The following HSF5 variants were observed in gnomAD, a reference collection of about 807,000 sequenced individuals.
HSF5 encodes the protein heat shock transcription factor 5.
In HSF5, 5 loss-of-function variants were observed where a neutral mutation model predicts 50.8. The ratio of observed to expected loss-of-function variants is 0.10; its 90% CI spans 0.05 to 0.21. The LOEUF (loss-of-function observed/expected upper bound fraction) is 0.21, where lower values mean the gene tolerates loss of function less well. HSF5 is among the 10% of genes least tolerant of loss of function. The pLI, the probability that HSF5 is intolerant of heterozygous loss-of-function variation, is 1.00. For synonymous variants in HSF5, 307 were observed against 307.4 expected (o/e 1.00, Z 0.02); for missense variants, 564 against 762.6 (o/e 0.74, Z 3.07).
chr17:58,435,856 G>C (rs950559894), intron 5 of HSF5, among the ~76,000 whole-genome samples: 12 of 136,234 alleles, frequency 8.8e-5, no homozygotes, highest in African/African-American at 3.1e-4. Context: ...CCAAGATCAC[G>C]CCACTGCACC....
chr17:58,431,998 C>T (rs1974370669), intron 5 of HSF5, among the ~76,000 whole-genome samples: 1 of 152,156 alleles, frequency 6.6e-6, no homozygotes, highest in African/African-American at 2.4e-5. Context: ...GAAAAGAGTT[C>T]TGGAGAGAAA....
At chr17:58,445,666 T>C (rs936428728) in intron 5 of HSF5, among the ~76,000 whole-genome samples, 60 of 152,108 alleles carry the variant, frequency 3.9e-4, no homozygotes, top group African/African-American at 1.3e-3. Flanking sequence ...ATGAGGTACC[T>C]GGAATAGTTA....
intron 5 of HSF5, among the ~76,000 whole-genome samples, chr17:58,433,830 G>C (rs544647862): frequency 3.3e-5 from 5 of 151,672 alleles, no homozygotes; most frequent in Non-Finnish European, 7.4e-5. Context: ...GTAAGGATAT[G>C]CTTCCAAGGA....
chr17:58,457,472 A>C (rs1301138341), intron 5 of HSF5, among the ~76,000 whole-genome samples: 1 of 149,656 alleles, frequency 6.7e-6, no homozygotes, highest in Non-Finnish European at 1.5e-5. Flanking sequence ...GGTGCCACGC[A>C]CCTGTAGTCC....
chr17:58,443,547 G>C (rs565772876), intron 5 of HSF5, among the ~76,000 whole-genome samples: 1 of 152,224 alleles, frequency 6.6e-6, no homozygotes, highest in African/African-American at 2.4e-5. Flanking sequence ...CCATCCCTCA[G>C]TCTCAAGCAT....
At chr17:58,435,978 GTAACC>G (rs913234907) in intron 5 of HSF5, among the ~76,000 whole-genome samples, 7 of 150,296 alleles carry the variant, frequency 4.7e-5, no homozygotes, top group African/African-American at 1.7e-4. Context: ...TACTTACTAT[GTAACC>G]CAGCATAATA....
rs1468766146 is a variant in HSF5, at chr17:58,463,125, C to T, written c.1199G>A (p.Cys400Tyr). 2.5e-6 allele frequency: 4 copies of T among 1,614,020 alleles called. No homozygotes were observed. The highest frequency in any genetic ancestry group is 3.4e-6 in the Non-Finnish European group (4 of 1,180,000). Reference protein sequence around the residue: ...MVKVEPVENQCPTSPSYRGQH... With the variant: ...MVKVEPVENQYPTSPSYRGQH... ...GCCTCTGTAAGACGGAGATGTTGGG[C>T]ACTGATTCTCAACAGGCTCCACCTT... Residue 400 changes from cysteine to tyrosine, a missense_variant, in exon 4 of 6, where the codon TGC becomes TAC. Cys to Tyr is a radical substitution (Grantham distance 194). This residue lies in a region of HSF5 where 441 missense variants were observed against 533.6 expected (regional missense o/e 0.83). Transcript: ENST00000323777.
At chr17:58,444,299 A>T (rs1974531603) in intron 5 of HSF5, among the ~76,000 whole-genome samples, 1 of 152,218 alleles carries the variant, frequency 6.6e-6, no homozygotes, top group Non-Finnish European at 1.5e-5. Flanking sequence ...AAGTTAGAGG[A>T]CTCACACTTC....
intron 5 of HSF5, among the ~76,000 whole-genome samples, chr17:58,433,875 A>G (rs568038192): frequency 6.0e-5 from 9 of 149,328 alleles, no homozygotes; most frequent in South Asian, 2.1e-4. Flanking sequence ...AAGTAGAGGA[A>G]TAGCTACATG....
intron 5 of HSF5, among the ~76,000 whole-genome samples, chr17:58,438,911 G>A (rs747361894): frequency 6.6e-6 from 1 of 151,996 alleles, no homozygotes; most frequent in Non-Finnish European, 1.5e-5. Flanking sequence ...GAGACCAGGA[G>A]TTGGAGATCA....
intron 2 of HSF5, among the ~76,000 whole-genome samples, chr17:58,475,140 T>C (rs1361670518): frequency 6.6e-6 from 1 of 152,178 alleles, no homozygotes; most frequent in East Asian, 1.9e-4. Flanking sequence ...GATTTTAATA[T>C]CATTAAACTT....
In HSF5 at chr17:58,477,362, C is replaced by T. The variant is rs187268624; in HGVS notation, c.925+2531G>A. Among the ~76,000 whole-genome samples the T allele has an allele frequency of 7.8e-4, 118 of 151,820 alleles. 2 individuals carry two copies. In the East Asian group the frequency reaches 0.016, roughly 20 times the overall value. On this transcript the variant is annotated intron_variant, in intron 2 of 5. Transcript: ENST00000323777. ...GTCTCGAACTCCTGACCTCATGAAT[C>T]GCCCGCCTCATCCTCCCAAAGCGCT...
intron 2 of HSF5, among the ~76,000 whole-genome samples, chr17:58,470,098 G>A (rs1160626015): frequency 1.3e-5 from 2 of 152,138 alleles, no homozygotes; most frequent in Admixed American, 6.5e-5. Context: ...TTAATTTCAA[G>A]ATAAGTTCCT....
chr17:58,438,927 G>A (rs1314298697), intron 5 of HSF5, among the ~76,000 whole-genome samples: 1 of 151,858 alleles, frequency 6.6e-6, no homozygotes, highest in Non-Finnish European at 1.5e-5. Flanking sequence ...GATCAGCCTG[G>A]GCAACACAGT....
At chr17:58,452,814 C>T (rs1322759768) in intron 5 of HSF5, among the ~76,000 whole-genome samples, 1 of 152,152 alleles carries the variant, frequency 6.6e-6, no homozygotes, top group Non-Finnish European at 1.5e-5. Flanking sequence ...CTGCCCTCCC[C>T]AAGTTTGCAT....
intron 2 of HSF5, among the ~76,000 whole-genome samples, chr17:58,472,871 A>T (rs1974967502): frequency 6.6e-6 from 1 of 152,156 alleles, no homozygotes; most frequent in African/African-American, 2.4e-5. Context: ...TGAGTCAATA[A>T]CCCAGAGCAA....
Position 58,480,221 on chromosome 17 carries a change from A to C in HSF5, c.597T>G (p.Ser199Arg). The change falls in exon 2 of 6, where the codon AGT becomes AGG. Residue 199 changes from serine to arginine, a missense_variant. This residue lies in a region of HSF5 where 441 missense variants were observed against 533.6 expected (regional missense o/e 0.83). Coordinates refer to ENST00000323777, the MANE Select transcript of HSF5 (RefSeq NM_001080439.3). ...GQFHRSFRRD[S>R]LSPYSCVSTP... ...TTGATACACAGGAGTAAGGAGACAA[A>C]CTATCTCGACGAAATGACCGGTGAA... 1 of 1,613,108 alleles carries C rather than the reference A, an allele frequency of 6.2e-7. No individual in the cohort carries two copies. The highest frequency in any genetic ancestry group is 8.5e-7 in the Non-Finnish European group (1 of 1,179,528).
At chr17:58,447,933 G>A (rs977936037) in intron 5 of HSF5, among the ~76,000 whole-genome samples, 1 of 152,300 alleles carries the variant, frequency 6.6e-6, no homozygotes, top group Non-Finnish European at 1.5e-5. Context: ...CAGATCACAT[G>A]AGCCCAGGAG....
At chr17:58,432,241 G>A (rs758290668) in intron 5 of HSF5, among the ~76,000 whole-genome samples, 1 of 152,102 alleles carries the variant, frequency 6.6e-6, no homozygotes, top group Non-Finnish European at 1.5e-5. Context: ...ATACAACAAT[G>A]GGTAAAACAA....
Sources: gnomAD v4.1 joint callset for allele counts (sites outside exome capture counted in the v4.1 genomes callset) on GRCh38, gnomAD v4.1.1 for gene constraint, gnomAD v4.1.1 regional missense constraint, MANE v1.5 for transcripts, NCBI Gene and HGNC (gene_info 2026-07-23, HGNC 2026-07-21) for gene names.